EYS: variants seen among roughly 807,000 people sequenced by gnomAD.
The protein encoded by EYS is EGF-like photoreceptor maintenance factor, also known as protein eyes shut homolog.
In EYS, 250 loss-of-function variants were observed where a neutral mutation model predicts 282.1. The observed-to-expected ratio is 0.89, with a 90% CI of 0.80 to 0.98. The LOEUF (loss-of-function observed/expected upper bound fraction) is 0.98. Ranked by LOEUF, EYS falls within the 50% of genes least tolerant of loss-of-function variation. EYS has a pLI of 0.00. For missense variants in EYS, 4,016 were observed against 3,709.0 expected (o/e 1.08, Z -2.15); for synonymous variants, 1,355 against 1,282.9 (o/e 1.06, Z -1.20).
At chr6:65,020,737 G>C (rs1027710915) in intron 13 of EYS, among the ~76,000 whole-genome samples, 6 of 152,172 alleles carry the variant, frequency 3.9e-5, no homozygotes, top group African/African-American at 1.4e-4. Flanking sequence ...TTCTCTGTGA[G>C]GGCTCCACCC....
chr6:64,076,334 G>A (rs1054014616), intron 32 of EYS, among the ~76,000 whole-genome samples: 6 of 151,948 alleles, frequency 3.9e-5, no homozygotes, highest in African/African-American at 1.4e-4. Context: ...TTCTAGCCAA[G>A]TACCTATGCT....
chr6:65,613,518 A>G (rs1700648102), intron 2 of EYS, among the ~76,000 whole-genome samples: 3 of 151,814 alleles, frequency 2.0e-5, no homozygotes, highest in African/African-American at 4.8e-5. Flanking sequence ...AAAGAAATGG[A>G]CCCTGAAATA....
chr6:65,246,350 A>G (rs563494925), intron 12 of EYS, among the ~76,000 whole-genome samples: 8 of 152,280 alleles, frequency 5.3e-5, no homozygotes, highest in Non-Finnish European at 5.9e-5. Flanking sequence ...ACATACATCA[A>G]GAAGACTGAA....
intron 35 of EYS, among the ~76,000 whole-genome samples, chr6:63,865,190 A>G (rs1487514282): frequency 6.6e-6 from 1 of 152,202 alleles, no homozygotes; most frequent in Non-Finnish European, 1.5e-5. Flanking sequence ...CTCTCCAGAG[A>G]GTACTCTTTT....
intron 29 of EYS, among the ~76,000 whole-genome samples, chr6:64,380,940 G>A (rs373352368): frequency 4.0e-5 from 6 of 151,706 alleles, no homozygotes; most frequent in African/African-American, 9.7e-5. Flanking sequence ...GCTTGAACCC[G>A]GGAGGCGGAG....
intron 36 of EYS, among the ~76,000 whole-genome samples, chr6:63,824,354 A>C (rs547388364): frequency 6.6e-6 from 1 of 152,336 alleles, no homozygotes; most frequent in South Asian, 2.1e-4. Context: ...GAAGATTTTT[A>C]CTGTGAGTGG....
intron 29 of EYS, among the ~76,000 whole-genome samples, chr6:64,375,569 T>C (rs1456969757): frequency 6.6e-6 from 1 of 152,194 alleles, no homozygotes; most frequent in Non-Finnish European, 1.5e-5. Context: ...GTAGGAGATA[T>C]GGCAGATACT....
At chr6:65,147,043 T>C (rs1369108421) in intron 12 of EYS, among the ~76,000 whole-genome samples, 1 of 152,066 alleles carries the variant, frequency 6.6e-6, no homozygotes, top group East Asian at 1.9e-4. Flanking sequence ...TATGGATTTC[T>C]TCTTTGCTCT....
chr6:64,635,333 G>T (rs1582980224), intron 22 of EYS, among the ~76,000 whole-genome samples: 2 of 152,080 alleles, frequency 1.3e-5, no homozygotes, highest in East Asian at 3.9e-4. Flanking sequence ...CCGCCTGATT[G>T]CCCTGGCCAG....
intron 12 of EYS, among the ~76,000 whole-genome samples, chr6:65,084,844 G>C (rs1260082181): frequency 6.6e-6 from 1 of 152,100 alleles, no homozygotes; most frequent in Non-Finnish European, 1.5e-5. Context: ...AACAGAAGAG[G>C]ATGTGCAAGA....
At chr6:64,520,493 G>A (rs2150525215) in intron 26 of EYS, among the ~76,000 whole-genome samples, 1 of 151,858 alleles carries the variant, frequency 6.6e-6, no homozygotes, top group East Asian at 1.9e-4. Flanking sequence ...CTGAGCTACA[G>A]AAGGGGGAAC....
At chr6:63,869,178 A>C (rs1344713578) in intron 35 of EYS, among the ~76,000 whole-genome samples, 1 of 152,164 alleles carries the variant, frequency 6.6e-6, no homozygotes, top group Non-Finnish European at 1.5e-5. Context: ...ACAAGATAAG[A>C]AAGGGTAAGA....
chr6:64,617,026 T>C (rs1767295553), intron 24 of EYS, among the ~76,000 whole-genome samples: 3 of 152,040 alleles, frequency 2.0e-5, no homozygotes, highest in Admixed American at 6.6e-5. Flanking sequence ...GGACATACAA[T>C]ATGCTGAGCC....
intron 25 of EYS, among the ~76,000 whole-genome samples, chr6:64,592,465 G>A (rs1766443056): frequency 6.6e-6 from 1 of 152,034 alleles, no homozygotes; most frequent in Non-Finnish European, 1.5e-5. Flanking sequence ...ATGAAAAATA[G>A]ACAAGGTACA....
intron 5 of EYS, among the ~76,000 whole-genome samples, chr6:65,485,736 C>T (rs189245606): frequency 3.9e-4 from 60 of 151,958 alleles, no homozygotes; most frequent in Middle Eastern, 3.4e-3. Context: ...GCTTTGGAGG[C>T]GGAGGTTGCA....
At chr6:65,018,236 T>C (rs966401211) in intron 13 of EYS, among the ~76,000 whole-genome samples, 2 of 152,204 alleles carry the variant, frequency 1.3e-5, no homozygotes, top group Non-Finnish European at 1.5e-5. Flanking sequence ...TGTTTGACCA[T>C]TCTGGAGTCT....
intron 16 of EYS, among the ~76,000 whole-genome samples, chr6:64,910,705 T>G (rs962233172): frequency 9.2e-5 from 14 of 152,064 alleles, no homozygotes; most frequent in African/African-American, 3.4e-4. Flanking sequence ...CAATGTTCAA[T>G]GGGACAGCAG....
At chr6:64,224,644 C>A (rs1047023804) in intron 31 of EYS, among the ~76,000 whole-genome samples, 1 of 151,748 alleles carries the variant, frequency 6.6e-6, no homozygotes, top group Non-Finnish European at 1.5e-5. Flanking sequence ...TTCTCGATGA[C>A]CTAAATTGAA....
At chr6:64,709,099 T>A (rs533656788) in intron 22 of EYS, among the ~76,000 whole-genome samples, 3 of 152,208 alleles carry the variant, frequency 2.0e-5, no homozygotes, top group African/African-American at 7.2e-5. Context: ...AAATATAATA[T>A]GTTTTTAAAA....
Sources: allele counts gnomAD v4.1 joint callset (sites outside exome capture counted in the v4.1 genomes callset), GRCh38; gene constraint gnomAD v4.1.1; transcripts MANE v1.5; gene names NCBI Gene and HGNC (gene_info 2026-07-23, HGNC 2026-07-21).